Variants in GOT1L1 observed in about 807,000 individuals in gnomAD.
GOT1L1 encodes the protein aspartate aminotransferase, cytoplasmic 2.
GOT1L1 carries 38 observed loss-of-function variants against 43.6 expected under a neutral mutation model. The observed-to-expected ratio is 0.87, with a 90% CI of 0.67 to 1.14. GOT1L1 has a LOEUF of 1.14. Ranked by LOEUF, GOT1L1 falls within the 50% of genes most tolerant of loss-of-function variation. The pLI is 0.00. For missense variants in GOT1L1, 482 were observed against 504.0 expected (o/e 0.96, Z 0.42); for synonymous variants, 183 against 187.2 (o/e 0.98, Z 0.18).
intron 8 of GOT1L1, chr8:37,934,870 C>T (rs1023589231): frequency 1.5e-5 from 9 of 619,542 alleles, no homozygotes; most frequent in South Asian, 1.1e-4. Flanking sequence ...GCCACTGCAC[C>T]GGGCACCCAG....
chr8:37,938,688 C>T lies in GOT1L1; in HGVS notation c.297+12G>A. On this transcript the variant is annotated intron_variant, in intron 2 of 8. Coordinates refer to ENST00000307599, the MANE Select transcript of GOT1L1 (RefSeq NM_152413.3). ...GTGTCTAAATGAGCCAGGGGAGGGC[C>T]CACCTTCTCACCCTGTTCTCCACAA... The T allele has an allele frequency of 1.3e-6, 2 of 1,561,378 alleles. No homozygotes were observed. The highest frequency in any genetic ancestry group is 1.7e-6 in the Non-Finnish European group (2 of 1,150,624).
At position 37,935,861 on chromosome 8, in the gene GOT1L1, C is replaced by G. The variant is rs755679238; in HGVS notation, c.772G>C (p.Val258Leu). 1.4e-5 allele frequency: 23 copies of G among 1,612,954 alleles called. No homozygotes were observed. In the South Asian group the frequency reaches 2.5e-4, roughly 18 times the overall value. Residue 258 changes from valine (V) to leucine (L), a missense_variant, in exon 7 of 9, where the codon GTG becomes CTG. Transcript: ENST00000307599. Reference protein sequence around the residue: ...SKNFGIYDEGVGMLVVVAVNN... With the variant: ...SKNFGIYDEGLGMLVVVAVNN... ...ACTGCCACCACCACTAGCATCCCCA[C>G]TCCTTCATCTGCAGTGTTGGGAAGA...
Position 37,940,103 on chromosome 8 carries a change from C to A in GOT1L1, c.-74G>T, listed in dbSNP as rs1807887383. 2 of 1,516,544 alleles carry A rather than the reference C, an allele frequency of 1.3e-6. No individual in the cohort carries two copies. Among genetic ancestry groups the A allele is most frequent in the South Asian group, 2.6e-5 (2 of 78,180 alleles). 93.9% of individuals were successfully genotyped at this position (1,516,544 alleles called of 1,614,324 possible). ...CCGCTTCTGCCCAGAAGTCTTCCTC[C>A]AAGGCTGGGCCGGGCAGTCCTGCCT... On this transcript the variant is annotated 5_prime_UTR_variant, in exon 1 of 9. Transcript: ENST00000307599.
chr8:37,934,405 G>C lies in GOT1L1; in HGVS notation c.1154C>G (p.Ala385Gly). 2 of 1,613,478 alleles carry C rather than the reference G, an allele frequency of 1.2e-6. No individual in the cohort carries two copies. Among genetic ancestry groups the C allele is most frequent in the Non-Finnish European group, 1.7e-6 (2 of 1,179,452 alleles). ...NGQINFSCIN[A>G]NNINYITEGI... is the part of the protein sequence containing the mutation. ...CTCAGTGATGTAATTTATGTTGTTGGCATTGATACAGCTGAAGTTAATCTG... is the reference window on the plus strand; with the variant it reads ...CTCAGTGATGTAATTTATGTTGTTGCCATTGATACAGCTGAAGTTAATCTG... Residue 385 changes from alanine (A) to glycine (G), a missense_variant, in exon 9 of 9, where the codon GCC becomes GGC. By Grantham distance (60) the Ala-to-Gly change is moderately conservative (BLOSUM62 0). Transcript: ENST00000307599.
chr8:37,935,480 G>A (rs545558088), intron 7 of GOT1L1, among the ~76,000 whole-genome samples: 1 of 152,306 alleles, frequency 6.6e-6, no homozygotes, highest in East Asian at 1.9e-4. Context: ...TAACTCATTG[G>A]CCTGGGTGCA....
intron 3 of GOT1L1, 103 bp from the exon 4 acceptor site, chr8:37,937,489 A>G (rs1367592196): frequency 4.1e-6 from 4 of 979,150 alleles, no homozygotes; most frequent in Non-Finnish European, 6.2e-6. Context: ...AAGGTGGGAC[A>G]TTAACAGGAA....
intron 8 of GOT1L1, among the ~76,000 whole-genome samples, chr8:37,934,790 G>C (rs1458142687): frequency 6.6e-6 from 1 of 152,016 alleles, no homozygotes; most frequent in African/African-American, 2.4e-5. Flanking sequence ...TGGCCAGGCT[G>C]GTCTCGAACT....
rs757783906 is a variant in GOT1L1 at position 37,936,727 on chromosome 8, G to C, written c.756C>G (p.Gly252=). ...FCSQSLSKNF[G]IYDEGVGMLV... is the part of the protein sequence containing the mutation. ...CTTCTGCCTGTACCATACCATAAAT[G>C]CCAAAATTCTTGGACAGAGACTGGC... is the stretch of plus-strand genomic sequence containing the variant. The change falls in exon 6 of 9, where the codon GGC becomes GGG. Residue 252 remains glycine, a synonymous_variant. Coordinates refer to ENST00000307599, the MANE Select transcript of GOT1L1 (RefSeq NM_152413.3). 2.4e-5 allele frequency: 38 copies of C among 1,610,050 alleles called. 1 individual carries two copies. The South Asian group carries it at 4.2e-4, about 18-fold the overall frequency.
rs762522059 is a variant in GOT1L1, at chr8:37,934,477, A to T, written c.1082T>A (p.Val361Glu). Residue 361 changes from valine (V) to glutamate (E), a missense_variant, in exon 9 of 9, where the codon GTG becomes GAG. Transcript: ENST00000307599. ...HGYLGLNSQQ[V>E]EYLVRKKHIY... ...GTGCTTCTTCCTGACCAGGTATTCC[A>T]CCTGCTGGGCTAAAATCATGACAAG... is the stretch of plus-strand genomic sequence containing the variant. 2.5e-6 allele frequency: 4 copies of T among 1,612,296 alleles called. No homozygotes were observed. Among genetic ancestry groups the T allele is most frequent in the Non-Finnish European group, 3.4e-6 (4 of 1,178,546 alleles).
chr8:37,934,821 C>T (rs577289933), intron 8 of GOT1L1, among the ~76,000 whole-genome samples: 1 of 152,140 alleles, frequency 6.6e-6, no homozygotes, highest in Admixed American at 6.5e-5. Flanking sequence ...GGTGACCCAC[C>T]CGCCTCGGCC....
intron 8 of GOT1L1, 36 bp from the exon 9 acceptor site, chr8:37,934,522 GC>G: frequency 6.8e-7 from 1 of 1,467,442 alleles, no homozygotes; most frequent in Non-Finnish European, 9.5e-7. Context: ...CTCGAGACTG[GC>G]CATCTCGAAT....
Position 37,934,324 on chromosome 8 carries a change from T to C in GOT1L1, c.1235A>G (p.Glu412Gly). 6.2e-7 allele frequency: 1 copy of C among 1,611,920 alleles called. No individual in the cohort carries two copies. Among genetic ancestry groups the C allele is most frequent in the Non-Finnish European group, 8.5e-7 (1 of 1,179,116 alleles). Reference protein sequence around the residue: ...TESSEMCLPKEKKTLIGIKL With the variant: ...TESSEMCLPKGKKTLIGIKL ...TTTTATTCCAATCAGTGTTTTTTTT[T>C]CCTTTGGAAGACACATCTCTGAGCT... The change falls in exon 9 of 9, where the codon GAA becomes GGA. Residue 412 changes from glutamate (E) to glycine (G), a missense_variant. Physicochemically the swap from Glu to Gly is moderately conservative, Grantham distance 98. Transcript: ENST00000307599.
intron 3 of GOT1L1, 78 bp from the exon 4 acceptor site, chr8:37,937,464 G>A (rs933265267): frequency 9.3e-7 from 1 of 1,070,416 alleles, no homozygotes; most frequent in Non-Finnish European, 1.4e-6. Flanking sequence ...GTGTGGGGCT[G>A]AGAGTCACTG....
At chr8:37,934,540 C>A in intron 8 of GOT1L1, 54 bp from the exon 9 acceptor site, 1 of 1,239,032 alleles carries the variant, frequency 8.1e-7, no homozygotes, top group Non-Finnish European at 1.2e-6. Context: ...GAATTCTCCT[C>A]TAGCCCAGGC....
rs374482210 is a variant in GOT1L1, at chr8:37,939,671, G to A, written c.115+244C>T. On this transcript the variant is annotated intron_variant, in intron 1 of 8. Transcript: ENST00000307599. ...ATGGCCATGCAGGCCCCCAAGCATA[G>A]AGTTGTGGAAGAGGACATAGCTCTC... is the stretch of plus-strand genomic sequence containing the variant. 6.6e-5 allele frequency among the ~76,000 whole-genome samples: 10 copies of A among 151,936 alleles called. No individual in the cohort carries two copies. In the South Asian group the frequency reaches 1.7e-3, roughly 25 times the overall value.
chr8:37,934,549 G>C (rs1807694874), intron 8 of GOT1L1, 63 bp from the exon 9 acceptor site: 1 of 1,206,676 alleles, frequency 8.3e-7, no homozygotes, highest in African/African-American at 1.5e-5. Context: ...TCTAGCCCAG[G>C]CTGGTTTATT....
At chr8:37,936,274 G>C (rs1807752752) in intron 6 of GOT1L1, among the ~76,000 whole-genome samples, 2 of 151,906 alleles carry the variant, frequency 1.3e-5, no homozygotes, top group South Asian at 2.1e-4. Context: ...AGCCCCCCGG[G>C]TGGGTAGGAC....
At chr8:37,937,125 G>T in intron 4 of GOT1L1, 68 bp from the exon 5 acceptor site, 1 of 1,459,770 alleles carries the variant, frequency 6.9e-7, no homozygotes, top group Non-Finnish European at 9.6e-7. Flanking sequence ...GGCATTTGGG[G>T]GTGAAGTGCT....
intron 1 of GOT1L1, among the ~76,000 whole-genome samples, chr8:37,939,353 G>A (rs1202403062): frequency 6.8e-6 from 1 of 146,994 alleles, no homozygotes; most frequent in African/African-American, 2.5e-5. Flanking sequence ...GGCAAAGGTG[G>A]CAGTGAGCTG....
Sources: gnomAD v4.1 joint callset for allele counts (sites outside exome capture counted in the v4.1 genomes callset) on GRCh38, gnomAD v4.1.1 for gene constraint, MANE v1.5 for transcripts, NCBI Gene and HGNC (gene_info 2026-07-23, HGNC 2026-07-21) for gene names.